Variants in OXR1 observed in about 807,000 individuals in gnomAD.
OXR1 encodes oxidation resistance 1.
In OXR1, 41 loss-of-function variants were observed where a neutral mutation model predicts 104.6. The ratio of observed to expected loss-of-function variants is 0.39; its 90% CI spans 0.31 to 0.51. The LOEUF is 0.51. Ranked by LOEUF, OXR1 falls within the 20% of genes least tolerant of loss-of-function variation. The probability of loss-of-function intolerance (pLI) is 0.77; values close to 1 mark genes in which losing one functional copy is unlikely to be tolerated. For missense variants in OXR1, 955 were observed against 1,031.9 expected, an observed-to-expected ratio of 0.93 and a Z score of 1.02; for synonymous variants, 348 against 348.4, an observed-to-expected ratio of 1.00 and a Z score of 0.01.
At chr8:106,393,736 T>C (rs1484008151) in intron 2 of OXR1, among the ~76,000 whole-genome samples, 1 of 152,052 alleles carries the variant, frequency 6.6e-6, no homozygotes, top group Non-Finnish European at 1.5e-5. Flanking sequence ...ATTTCAAAAA[T>C]GTAACTTTTC....
intron 1 of OXR1, among the ~76,000 whole-genome samples, chr8:106,338,913 G>T (rs1815078200): frequency 6.6e-6 from 1 of 151,866 alleles, no homozygotes; most frequent in Admixed American, 6.6e-5. Flanking sequence ...GTCCCTATCT[G>T]ATTATTTGGC....
chr8:106,480,969 A>T (rs75052461), intron 2 of OXR1, among the ~76,000 whole-genome samples: 1 of 152,012 alleles, frequency 6.6e-6, no homozygotes, highest in Non-Finnish European at 1.5e-5. Flanking sequence ...CTGAGTAAAA[A>T]TAAATTGGTA....
chr8:106,397,290 A>G (rs1186007304), intron 2 of OXR1, among the ~76,000 whole-genome samples: 1 of 152,138 alleles, frequency 6.6e-6, no homozygotes, highest in Non-Finnish European at 1.5e-5. Flanking sequence ...AAGGGTAGTA[A>G]GTAAACCCTA....
chr8:106,323,512 G>A (rs954483468), intron 1 of OXR1, among the ~76,000 whole-genome samples: 2 of 152,022 alleles, frequency 1.3e-5, no homozygotes, highest in Non-Finnish European at 2.9e-5. Flanking sequence ...TTGACAAGTG[G>A]GATTTAATTA....
At chr8:106,407,480 C>A (rs1284788122) in intron 2 of OXR1, among the ~76,000 whole-genome samples, 1 of 152,170 alleles carries the variant, frequency 6.6e-6, no homozygotes, top group Non-Finnish European at 1.5e-5. Flanking sequence ...CTCTAAGAAA[C>A]AGATTTATCA....
chr8:106,605,345 A>G (rs1454558756), intron 3 of OXR1: 4 of 152,174 alleles, frequency 2.6e-5, no homozygotes, highest in African/African-American at 7.2e-5. Flanking sequence ...TCTTAGGTCT[A>G]TTTGTACAGG....
chr8:106,288,122 C>T (rs1337812581), intron 1 of OXR1, among the ~76,000 whole-genome samples: 1 of 152,186 alleles, frequency 6.6e-6, no homozygotes, highest in Non-Finnish European at 1.5e-5. Context: ...AGCCTGAAGA[C>T]AGCTGGCCAT....
intron 2 of OXR1, among the ~76,000 whole-genome samples, chr8:106,410,927 C>A (rs6990573): frequency 0.094 from 14,324 of 152,122 alleles, 716 homozygotes; most frequent in African/African-American, 0.11. Context: ...TTATATTCAT[C>A]CAATTATTCA....
At chr8:106,635,692 C>T (rs1823073583) in intron 3 of OXR1, among the ~76,000 whole-genome samples, 1 of 152,106 alleles carries the variant, frequency 6.6e-6, no homozygotes, top group Non-Finnish European at 1.5e-5. Context: ...CAATCTGCTG[C>T]CTGCCTCAGC....
intron 1 of OXR1, among the ~76,000 whole-genome samples, chr8:106,357,196 G>GTA (rs1816007243): frequency 1.3e-5 from 2 of 148,738 alleles, no homozygotes. Flanking sequence ...ATATATATGT[G>GTA]TATATATGTG....
In OXR1 at chr8:106,711,543, G is replaced by A. The variant is rs117099131; in HGVS notation, c.1793+753G>A. On this transcript the variant is annotated intron_variant, in intron 10 of 16. Transcript: ENST00000517566. ...TTAACACATTTACATATCTGTGTGT[G>A]TATATTGAAATTGCATTTATTTTAA... Among the ~76,000 whole-genome samples the A allele has an allele frequency of 1.1e-4, 17 of 152,216 alleles. No individual in the cohort carries two copies. The East Asian group carries it at 3.1e-3, about 28-fold the overall frequency.
intron 1 of OXR1, among the ~76,000 whole-genome samples, chr8:106,274,606 C>CCCG (rs1811957480): frequency 7.3e-6 from 1 of 136,264 alleles, no homozygotes; most frequent in African/African-American, 2.6e-5. Context: ...CGCCACCCCC[C>CCCG]CCCCGACCCC....
intron 2 of OXR1, among the ~76,000 whole-genome samples, chr8:106,507,312 C>T (rs1375903586): frequency 1.3e-5 from 2 of 152,078 alleles, no homozygotes; most frequent in Non-Finnish European, 2.9e-5. Context: ...TTATTAGATC[C>T]ATTTTACAAA....
chr8:106,297,273 TATATC>T (rs1167693775), intron 1 of OXR1, among the ~76,000 whole-genome samples: 2 of 152,196 alleles, frequency 1.3e-5, no homozygotes, highest in Non-Finnish European at 2.9e-5. Context: ...TATTTTATCT[TATATC>T]AGATATATTA....
At chr8:106,513,387 C>G (rs1408249565) in intron 2 of OXR1, among the ~76,000 whole-genome samples, 2 of 150,782 alleles carry the variant, frequency 1.3e-5, no homozygotes, top group Non-Finnish European at 2.9e-5. Flanking sequence ...TTTGCTGTCT[C>G]AGGTCAAACC....
intron 3 of OXR1, chr8:106,617,893 TGTC>T: frequency 3.3e-6 from 1 of 304,950 alleles, no homozygotes; most frequent in Non-Finnish European, 4.8e-6. Flanking sequence ...ATACAGAGCA[TGTC>T]GTCGTCACCG....
chr8:106,701,359 T>C (rs367689383), intron 7 of OXR1, among the ~76,000 whole-genome samples: 1 of 152,192 alleles, frequency 6.6e-6, no homozygotes, highest in African/African-American at 2.4e-5. Flanking sequence ...TGGATGACCA[T>C]TTTCTGTAGA....
At chr8:106,451,840 A>G (rs1206157051) in intron 2 of OXR1, among the ~76,000 whole-genome samples, 2 of 152,250 alleles carry the variant, frequency 1.3e-5, no homozygotes, top group Non-Finnish European at 2.9e-5. Context: ...TGAATAAAAC[A>G]TGATTCCTGC....
At chr8:106,650,752 T>C (rs1824498808) in intron 3 of OXR1, among the ~76,000 whole-genome samples, 1 of 152,218 alleles carries the variant, frequency 6.6e-6, no homozygotes, top group South Asian at 2.1e-4. Flanking sequence ...TTTATTTGTA[T>C]GTGGATAACT....
Sources: gnomAD v4.1 joint callset for allele counts (sites outside exome capture counted in the v4.1 genomes callset) on GRCh38, gnomAD v4.1.1 for gene constraint, MANE v1.5 for transcripts, NCBI Gene and HGNC (gene_info 2026-07-23, HGNC 2026-07-21) for gene names.